The following GPC5 variants were observed in gnomAD, a reference collection of about 807,000 sequenced individuals.
The protein encoded by GPC5 is glypican 5.
GPC5 carries 47 observed loss-of-function variants against 53.9 expected under a neutral mutation model. The ratio of observed to expected loss-of-function variants is 0.87; its 90% CI spans 0.69 to 1.11. The LOEUF is 1.11. Ranked by LOEUF, GPC5 falls within the 50% of genes most tolerant of loss-of-function variation. The pLI is 0.00. For synonymous variants in GPC5, 286 were observed against 263.3 expected (o/e 1.09, Z -0.84); for missense variants, 748 against 713.1 (o/e 1.05, Z -0.56).
chr13:91,614,005 G>A (rs925575641), intron 2 of GPC5, among the ~76,000 whole-genome samples: 4 of 152,204 alleles, frequency 2.6e-5, no homozygotes, highest in Non-Finnish European at 4.4e-5. Context: ...ATGGTACTTC[G>A]AACAGAGTGA....
intron 2 of GPC5, among the ~76,000 whole-genome samples, chr13:91,469,193 C>T (rs1451107970): frequency 6.6e-6 from 1 of 151,912 alleles, no homozygotes. Flanking sequence ...ACTGCAATCT[C>T]TGCCTCCCGC....
At chr13:91,988,276 A>G (rs1445110977) in intron 6 of GPC5, among the ~76,000 whole-genome samples, 1 of 152,136 alleles carries the variant, frequency 6.6e-6, no homozygotes, top group East Asian at 1.9e-4. Flanking sequence ...ATTGTTATGA[A>G]TATCCTTGTA....
intron 3 of GPC5, among the ~76,000 whole-genome samples, chr13:91,714,924 G>A (rs762358798): frequency 6.6e-6 from 1 of 152,242 alleles, no homozygotes; most frequent in Non-Finnish European, 1.5e-5. Flanking sequence ...AGCTCAGGCA[G>A]TGTTGCAGCT....
At chr13:92,849,887 T>A (rs1403631246) in intron 7 of GPC5, among the ~76,000 whole-genome samples, 1 of 152,194 alleles carries the variant, frequency 6.6e-6, no homozygotes, top group Admixed American at 6.5e-5. Context: ...TCATCAAGAA[T>A]AATTAGTATC....
chr13:92,601,272 T>C (rs1471711570), intron 7 of GPC5, among the ~76,000 whole-genome samples: 1 of 152,070 alleles, frequency 6.6e-6, no homozygotes, highest in African/African-American at 2.4e-5. Flanking sequence ...AAACACATAT[T>C]GGGCCAGGAG....
At chr13:92,713,923 G>C (rs1344267027) in intron 7 of GPC5, among the ~76,000 whole-genome samples, 1 of 152,096 alleles carries the variant, frequency 6.6e-6, no homozygotes, top group Non-Finnish European at 1.5e-5. Context: ...AGCTGTAACA[G>C]ACTTTGTTCC....
At chr13:91,625,950 T>C (rs1440385081) in intron 2 of GPC5, among the ~76,000 whole-genome samples, 1 of 152,050 alleles carries the variant, frequency 6.6e-6, no homozygotes, top group Non-Finnish European at 1.5e-5. Flanking sequence ...TTTAAGCAGA[T>C]ATTTAGTCTT....
In GPC5 at chr13:92,188,555, AAAGT is replaced by A. The variant is rs142618495; in HGVS notation, c.1561+43570_1561+43573del. Among the ~76,000 whole-genome samples, 669 of 152,326 alleles carry A rather than the reference AAAGT, an allele frequency of 4.4e-3. 7 individuals are homozygous for A. Among genetic ancestry groups the A allele is most frequent in the African/African-American group, 0.015 (641 of 41,578 alleles). The stretch of plus-strand genomic sequence containing the variant: ...TCCATGACAATAATGGTATGAAATA[AAAGT>A]AAGACCAGATAAAAATACCTATGAT... On this transcript the variant is annotated intron_variant, in intron 7 of 7. Transcript: ENST00000377067.
At chr13:92,666,400 A>G (rs1886566259) in intron 7 of GPC5, among the ~76,000 whole-genome samples, 1 of 152,218 alleles carries the variant, frequency 6.6e-6, no homozygotes, top group African/African-American at 2.4e-5. Context: ...ATCAGTGAAT[A>G]TTTAAGGATA....
At chr13:91,612,446 A>T (rs1028018901) in intron 2 of GPC5, among the ~76,000 whole-genome samples, 1 of 152,210 alleles carries the variant, frequency 6.6e-6, no homozygotes, top group Non-Finnish European at 1.5e-5. Flanking sequence ...CATCACAAAC[A>T]TTCAGTATGC....
intron 1 of GPC5, among the ~76,000 whole-genome samples, chr13:91,418,011 C>G (rs972421807): frequency 1.3e-5 from 2 of 152,076 alleles, no homozygotes; most frequent in Non-Finnish European, 2.9e-5. Flanking sequence ...GCTTGCTGTT[C>G]TGAGTAGTAT....
chr13:92,409,628 T>G (rs1450659753), intron 7 of GPC5, among the ~76,000 whole-genome samples: 1 of 152,128 alleles, frequency 6.6e-6, no homozygotes, highest in Non-Finnish European at 1.5e-5. Flanking sequence ...TAGCACTATT[T>G]TCAGACTTCA....
At chr13:91,597,137 A>G (rs1046138043) in intron 2 of GPC5, among the ~76,000 whole-genome samples, 2 of 152,094 alleles carry the variant, frequency 1.3e-5, no homozygotes, top group Non-Finnish European at 2.9e-5. Context: ...TTCAAGGATC[A>G]CTGTCTTTTA....
At chr13:91,458,066 G>A (rs1881678732) in intron 2 of GPC5, among the ~76,000 whole-genome samples, 2 of 152,140 alleles carry the variant, frequency 1.3e-5, no homozygotes, top group African/African-American at 4.8e-5. Context: ...CTAGAGGGCT[G>A]CAATTTTAAA....
chr13:92,169,569 A>G (rs2042054837), intron 7 of GPC5, among the ~76,000 whole-genome samples: 1 of 152,188 alleles, frequency 6.6e-6, no homozygotes, highest in African/African-American at 2.4e-5. Context: ...GGATACTACA[A>G]ATCTTTACAT....
At chr13:92,258,566 CTTTTTGGATT>C (rs1443512677) in intron 7 of GPC5, among the ~76,000 whole-genome samples, 1 of 152,050 alleles carries the variant, frequency 6.6e-6, no homozygotes, top group Non-Finnish European at 1.5e-5. Flanking sequence ...AGGTAAAACA[CTTTTTGGATT>C]TATTTCTATA....
chr13:92,079,182 G>A (rs1594755079), intron 6 of GPC5, among the ~76,000 whole-genome samples: 2 of 152,216 alleles, frequency 1.3e-5, no homozygotes, highest in South Asian at 4.1e-4. Flanking sequence ...CTCCTTAGTA[G>A]TTGGGATTAC....
chr13:92,370,891 G>T (rs2043645014), intron 7 of GPC5, among the ~76,000 whole-genome samples: 1 of 152,178 alleles, frequency 6.6e-6, no homozygotes, highest in Non-Finnish European at 1.5e-5. Flanking sequence ...GCTCACACCT[G>T]TAATCCCAGC....
intron 3 of GPC5, among the ~76,000 whole-genome samples, chr13:91,698,389 A>G (rs2035927198): frequency 6.6e-6 from 1 of 150,648 alleles, no homozygotes; most frequent in Non-Finnish European, 1.5e-5. Context: ...GGAAACTAAT[A>G]TCTTATCACT....
Sources: allele counts gnomAD v4.1 joint callset (sites outside exome capture counted in the v4.1 genomes callset), GRCh38; gene constraint gnomAD v4.1.1; transcripts MANE v1.5; gene names NCBI Gene and HGNC (gene_info 2026-07-23, HGNC 2026-07-21).